TRDN: variants seen among roughly 807,000 people sequenced by gnomAD.
TRDN encodes triadin in skeletal muscle.
A neutral mutation model predicts 149.7 loss-of-function variants in TRDN; 161 were observed. That is an observed-to-expected ratio of 1.08 (90% CI 0.95 to 1.23). TRDN has a LOEUF of 1.23. Ranked by LOEUF, TRDN falls within the 50% of genes most tolerant of loss-of-function variation. TRDN has a pLI of 0.00. For missense variants in TRDN, 896 were observed against 823.5 expected, an observed-to-expected ratio of 1.09 and a Z score of -1.08; for synonymous variants, 294 against 250.5, an observed-to-expected ratio of 1.17 and a Z score of -1.64.
chr6:123,523,845 G>A (rs948875488), intron 5 of TRDN, among the ~76,000 whole-genome samples: 1 of 151,960 alleles, frequency 6.6e-6, no homozygotes, highest in African/African-American at 2.4e-5. Flanking sequence ...AAGAGGGAGT[G>A]GTGGAGACTG....
chr6:123,574,171 C>G (rs762785822), intron 1 of TRDN, among the ~76,000 whole-genome samples: 1 of 151,658 alleles, frequency 6.6e-6, no homozygotes, highest in Non-Finnish European at 1.5e-5. Flanking sequence ...TAAGGAACAT[C>G]GGAGCAAAAT....
intron 20 of TRDN, among the ~76,000 whole-genome samples, chr6:123,362,214 T>C (rs1289627725): frequency 6.6e-6 from 1 of 152,146 alleles, no homozygotes; most frequent in Non-Finnish European, 1.5e-5. Context: ...TAACATAATC[T>C]CTCTCTCTTC....
At chr6:123,627,306 G>T (rs1480882797) in intron 1 of TRDN, among the ~76,000 whole-genome samples, 3 of 152,092 alleles carry the variant, frequency 2.0e-5, no homozygotes, top group African/African-American at 7.2e-5. Context: ...ATGATCTTCT[G>T]TTAGGCACGA....
intron 10 of TRDN, among the ~76,000 whole-genome samples, chr6:123,463,293 T>C (rs1262329474): frequency 6.6e-6 from 1 of 150,510 alleles, no homozygotes; most frequent in Non-Finnish European, 1.5e-5. Flanking sequence ...GCCGAGATGG[T>C]GCCACTGCAC....
At chr6:123,587,570 A>G (rs1263732429) in intron 1 of TRDN, among the ~76,000 whole-genome samples, 4 of 152,186 alleles carry the variant, frequency 2.6e-5, no homozygotes. Flanking sequence ...TTGATCTCCC[A>G]AGGGAGGTCC....
chr6:123,444,774 T>C (rs564212814), intron 10 of TRDN, among the ~76,000 whole-genome samples: 1 of 152,204 alleles, frequency 6.6e-6, no homozygotes, highest in Non-Finnish European at 1.5e-5. Flanking sequence ...TCTATTGAGA[T>C]AATTATGTGG....
intron 10 of TRDN, among the ~76,000 whole-genome samples, chr6:123,440,227 TA>T (rs1300454037): frequency 6.6e-6 from 1 of 152,170 alleles, no homozygotes; most frequent in Non-Finnish European, 1.5e-5. Flanking sequence ...AGAGATAATC[TA>T]ATGTCTCAGG....
chr6:123,338,207 T>C (rs755898940), intron 21 of TRDN, among the ~76,000 whole-genome samples: 1 of 152,158 alleles, frequency 6.6e-6, no homozygotes, highest in African/African-American at 2.4e-5. Context: ...TAAGAAAGTA[T>C]GTAGTACTGA....
chr6:123,495,050 T>A (rs9388250), intron 9 of TRDN, among the ~76,000 whole-genome samples: 30,234 of 151,680 alleles, frequency 0.2, 3,910 homozygotes, highest in East Asian at 0.62. Flanking sequence ...AACTTTTAAA[T>A]TATTTATTTA....
At chr6:123,373,813 T>C (rs1781410153) in intron 19 of TRDN, among the ~76,000 whole-genome samples, 1 of 152,164 alleles carries the variant, frequency 6.6e-6, no homozygotes, top group African/African-American at 2.4e-5. Context: ...ATCTCAAATG[T>C]GCAGGTTATA....
At chr6:123,532,543 T>C (rs1259830863) in intron 4 of TRDN, among the ~76,000 whole-genome samples, 1 of 152,068 alleles carries the variant, frequency 6.6e-6, no homozygotes, top group Non-Finnish European at 1.5e-5. Context: ...TGACAGCTTC[T>C]AGGCTCAACT....
chr6:123,470,648 C>A (rs542412883), intron 9 of TRDN: 1 of 152,192 alleles, frequency 6.6e-6, no homozygotes, highest in African/African-American at 2.4e-5. Flanking sequence ...CATGAACACA[C>A]GTAGAACATT....
At chr6:123,631,133 A>G (rs541131999) in intron 1 of TRDN, among the ~76,000 whole-genome samples, 98 of 99,664 alleles carry the variant, frequency 9.8e-4, no homozygotes, top group Non-Finnish European at 1.9e-3. Context: ...TTTTTTTTCT[A>G]TTTTCCTAAA....
chr6:123,567,973 T>C (rs547708527), intron 2 of TRDN, among the ~76,000 whole-genome samples: 37 of 152,318 alleles, frequency 2.4e-4, no homozygotes, highest in Admixed American at 1.0e-3. Flanking sequence ...CAGTCTCATC[T>C]GGAAATAAAT....
chr6:123,573,766 G>T (rs879913032), intron 1 of TRDN, among the ~76,000 whole-genome samples: 5 of 151,930 alleles, frequency 3.3e-5, no homozygotes, highest in African/African-American at 4.8e-5. Flanking sequence ...TTTCATCATG[G>T]TACAAACATT....
At chr6:123,442,039 A>G (rs530336799) in intron 10 of TRDN, 44 of 152,298 alleles carry the variant, frequency 2.9e-4, no homozygotes, top group African/African-American at 9.6e-4. Flanking sequence ...TCACAATATG[A>G]CCATGGAAAA....
rs142685781 is a variant in TRDN, at chr6:123,634,093, T to C, written c.22+2661A>G. 2.4e-3 allele frequency among the ~76,000 whole-genome samples: 372 copies of C among 152,092 alleles called. 7 individuals carry two copies. In the East Asian group the frequency reaches 0.052, roughly 21 times the overall value. ...AAAGGTAATTGATTGATAGGTGGCA[T>C]AGGTCTACTGATAGAGTGCTTACAT... On this transcript the variant is annotated intron_variant, in intron 1 of 40. Coordinates refer to ENST00000334268, the MANE Select transcript of TRDN (RefSeq NM_006073.4).
chr6:123,278,271 A>G, intron 26 of TRDN, 47 bp downstream of exon 26: 1 of 1,207,508 alleles, frequency 8.3e-7, no homozygotes, highest in Non-Finnish European at 1.1e-6. Context: ...TGTGCTATTT[A>G]TTCTAAACAT....
intron 14 of TRDN, among the ~76,000 whole-genome samples, chr6:123,386,145 G>T (rs770279376): frequency 5.3e-5 from 8 of 152,088 alleles, no homozygotes; most frequent in African/African-American, 1.4e-4. Flanking sequence ...AAGACAAAAG[G>T]CTTAAGTCAA....
Sources: allele counts gnomAD v4.1 joint callset (sites outside exome capture counted in the v4.1 genomes callset), GRCh38; gene constraint gnomAD v4.1.1; transcripts MANE v1.5; gene names NCBI Gene and HGNC (gene_info 2026-07-23, HGNC 2026-07-21).